The following SLC2A13 variants were observed in gnomAD, a reference collection of about 807,000 sequenced individuals.
SLC2A13 encodes proton myo-inositol cotransporter.
Under a neutral mutation model 64.4 loss-of-function variants are expected in SLC2A13, and 32 were observed. The ratio of observed to expected loss-of-function variants is 0.50; its 90% CI spans 0.37 to 0.67. The LOEUF (loss-of-function observed/expected upper bound fraction) is 0.67. SLC2A13 is among the 30% of genes least tolerant of loss of function. SLC2A13 has a pLI of 0.00. For synonymous variants in SLC2A13, 338 were observed against 327.1 expected (o/e 1.03, Z -0.36); for missense variants, 743 against 829.2 (o/e 0.90, Z 1.28).
At chr12:39,922,358 A>G (rs984819841) in intron 4 of SLC2A13, among the ~76,000 whole-genome samples, 2 of 152,164 alleles carry the variant, frequency 1.3e-5, no homozygotes, top group Admixed American at 6.5e-5. Context: ...CATATGGCCC[A>G]AGCCTAACCA....
At chr12:39,902,039 G>C (rs1945132589) in intron 4 of SLC2A13, among the ~76,000 whole-genome samples, 1 of 152,090 alleles carries the variant, frequency 6.6e-6, no homozygotes, top group African/African-American at 2.4e-5. Flanking sequence ...CATGTCCTTT[G>C]TAGGGACATG....
chr12:39,942,803 G>A (rs1444833187), intron 4 of SLC2A13, among the ~76,000 whole-genome samples: 2 of 152,106 alleles, frequency 1.3e-5, no homozygotes, highest in Non-Finnish European at 2.9e-5. Context: ...TCCCTTGCTG[G>A]TGAGGAGTTG....
At chr12:39,965,242 C>T (rs1345209364) in intron 3 of SLC2A13, among the ~76,000 whole-genome samples, 1 of 151,014 alleles carries the variant, frequency 6.6e-6, no homozygotes, top group South Asian at 2.1e-4. Flanking sequence ...TAAACACTCC[C>T]TTATGAGATC....
intron 3 of SLC2A13, among the ~76,000 whole-genome samples, chr12:39,973,041 C>T (rs897729535): frequency 8.5e-5 from 13 of 152,082 alleles, no homozygotes; most frequent in Non-Finnish European, 1.3e-4. Flanking sequence ...CACTCCAGCC[C>T]GGGCAACAAG....
At chr12:40,092,080 G>A (rs1938788067) in intron 1 of SLC2A13, among the ~76,000 whole-genome samples, 1 of 152,016 alleles carries the variant, frequency 6.6e-6, no homozygotes, top group Non-Finnish European at 1.5e-5. Context: ...GTATCACTAT[G>A]GGCAGTAATA....
intron 7 of SLC2A13, among the ~76,000 whole-genome samples, chr12:39,824,233 T>G (rs1051669973): frequency 6.6e-6 from 1 of 152,226 alleles, no homozygotes; most frequent in African/African-American, 2.4e-5. Context: ...TTTTGAATGG[T>G]CCTAGTTAAC....
chr12:40,068,310 A>T (rs536714536), intron 1 of SLC2A13: 110 of 417,582 alleles, frequency 2.6e-4, no homozygotes, highest in African/African-American at 2.2e-3. Context: ...AATGATAGCC[A>T]GTGTGCACAG....
intron 4 of SLC2A13, among the ~76,000 whole-genome samples, chr12:39,893,313 C>A (rs1944660334): frequency 6.6e-6 from 1 of 152,052 alleles, no homozygotes; most frequent in Admixed American, 6.5e-5. Context: ...CTTTTCTTTT[C>A]TTTTGAGATG....
chr12:39,954,446 A>G (rs1156883983), intron 3 of SLC2A13, among the ~76,000 whole-genome samples: 1 of 152,166 alleles, frequency 6.6e-6, no homozygotes, highest in East Asian at 1.9e-4. Context: ...ACAACCCAAG[A>G]CAGGGGAAAG....
chr12:40,052,524 G>A (rs1317064733), intron 1 of SLC2A13, among the ~76,000 whole-genome samples: 1 of 152,124 alleles, frequency 6.6e-6, no homozygotes, highest in Non-Finnish European at 1.5e-5. Flanking sequence ...GGGAAAATGG[G>A]AGCCTGTAAC....
At chr12:39,981,799 A>T (rs1190834375) in intron 3 of SLC2A13, among the ~76,000 whole-genome samples, 5 of 128,896 alleles carry the variant, frequency 3.9e-5, no homozygotes, top group South Asian at 5.7e-4. Flanking sequence ...CAATAGAAAA[A>T]GAGGGAATCC....
intron 1 of SLC2A13, among the ~76,000 whole-genome samples, chr12:40,102,896 G>T (rs535778940): frequency 4.1e-4 from 62 of 152,304 alleles, no homozygotes; most frequent in Admixed American, 3.1e-3. Flanking sequence ...CTAATTTGAA[G>T]TGGATTTATT....
chr12:39,995,145 A>G (rs1327948207), intron 3 of SLC2A13, among the ~76,000 whole-genome samples: 1 of 152,208 alleles, frequency 6.6e-6, no homozygotes, highest in Admixed American at 6.5e-5. Context: ...TCTTTTTTAA[A>G]AAGATTTCTA....
chr12:39,836,145 G>C (rs993040157), intron 6 of SLC2A13, among the ~76,000 whole-genome samples: 1 of 152,084 alleles, frequency 6.6e-6, no homozygotes, highest in African/African-American at 2.4e-5. Flanking sequence ...ACAATATTTA[G>C]AGAGTTTGTA....
intron 7 of SLC2A13, among the ~76,000 whole-genome samples, chr12:39,826,854 A>ATTTTTTTTTTTTTTTTTTT (rs63699664): frequency 1.3e-4 from 9 of 67,390 alleles, no homozygotes; most frequent in Non-Finnish European, 2.0e-4. Flanking sequence ...GTCTCTTTCA[A>ATTTTTTTTTTTTTTTTTTT]TTTTTTTTTT....
At chr12:39,788,528 T>C (rs1216309356) in intron 7 of SLC2A13, 1 of 152,156 alleles carries the variant, frequency 6.6e-6, no homozygotes, top group East Asian at 1.9e-4. Flanking sequence ...AATTTAAAAC[T>C]TATAATTGTT....
intron 6 of SLC2A13, among the ~76,000 whole-genome samples, chr12:39,831,183 C>T (rs1942841126): frequency 6.6e-6 from 1 of 152,130 alleles, no homozygotes; most frequent in African/African-American, 2.4e-5. Context: ...GAATGAGAAA[C>T]AGATGAACAA....
intron 3 of SLC2A13, among the ~76,000 whole-genome samples, chr12:40,011,600 T>C (rs1418141358): frequency 6.6e-6 from 1 of 152,158 alleles, no homozygotes; most frequent in Non-Finnish European, 1.5e-5. Flanking sequence ...GTCACCCAAA[T>C]AGTGAGCACA....
rs111616860 is a variant in SLC2A13 at position 39,807,386 on chromosome 12, T to C, written c.1445+22717A>G. Among the ~76,000 whole-genome samples, 901 of 152,290 alleles carry C rather than the reference T, an allele frequency of 5.9e-3. 8 individuals are homozygous for C. Among genetic ancestry groups the C allele is most frequent in the African/African-American group, 0.021 (854 of 41,560 alleles). ...GAACACAATCAGTGGATTGAAACAA[T>C]ATCAATCTCCTGGGTGAAACTATAC... On this transcript the variant is annotated intron_variant, in intron 7 of 9. Transcript: ENST00000280871.
Sources: gnomAD v4.1 joint callset for allele counts (sites outside exome capture counted in the v4.1 genomes callset) on GRCh38, gnomAD v4.1.1 for gene constraint, MANE v1.5 for transcripts, NCBI Gene and HGNC (gene_info 2026-07-23, HGNC 2026-07-21) for gene names.